GALNT13: variants seen among roughly 807,000 people sequenced by gnomAD.
GALNT13 encodes polypeptide N-acetylgalactosaminyltransferase 13.
A neutral mutation model predicts 64.2 loss-of-function variants in GALNT13; 28 were observed. The observed-to-expected ratio is 0.44, with a 90% CI of 0.32 to 0.60. GALNT13 has a LOEUF of 0.60. GALNT13 is among the 20% of genes least tolerant of loss of function. The pLI, the probability that GALNT13 is intolerant of heterozygous loss-of-function variation, is 0.05. For synonymous variants in GALNT13, 214 were observed against 224.6 expected (o/e 0.95, Z 0.42); for missense variants, 577 against 669.8 (o/e 0.86, Z 1.53).
At chr2:153,907,797 C>G (rs1013894592) in intron 2 of GALNT13, among the ~76,000 whole-genome samples, 19 of 152,030 alleles carry the variant, frequency 1.2e-4, no homozygotes, top group African/African-American at 4.6e-4. Flanking sequence ...TTTTCTTTAT[C>G]CATTCTACCA....
At chr2:153,847,527 T>C in the GALNT13 span, among the ~76,000 whole-genome samples, 1 of 152,036 alleles carries the variant, frequency 6.6e-6, no homozygotes, top group African/African-American at 2.4e-5. Context: ...CAGAGTTAAT[T>C]AATCAAATTG....
At chr2:154,182,388 A>G (rs1467060904) in intron 4 of GALNT13, among the ~76,000 whole-genome samples, 3 of 152,114 alleles carry the variant, frequency 2.0e-5, no homozygotes, top group South Asian at 2.1e-4. Flanking sequence ...TTGTCAATGT[A>G]TTCTAAATAT....
intron 4 of GALNT13, among the ~76,000 whole-genome samples, chr2:154,221,990 C>T (rs918785421): frequency 7.9e-5 from 12 of 152,020 alleles, no homozygotes; most frequent in African/African-American, 2.9e-4. Flanking sequence ...GCTTGAATTC[C>T]AGCTCTATTT....
the GALNT13 span, among the ~76,000 whole-genome samples, chr2:153,578,715 G>A: frequency 6.6e-6 from 1 of 152,308 alleles, no homozygotes; most frequent in African/African-American, 2.4e-5. Context: ...CAGAGTTCCA[G>A]GGACTGAAAG....
intron 9 of GALNT13, among the ~76,000 whole-genome samples, chr2:154,339,680 G>A (rs1695649580): frequency 6.6e-6 from 1 of 152,118 alleles, no homozygotes; most frequent in Non-Finnish European, 1.5e-5. Context: ...CTACTTTAGT[G>A]ACAATGGATA....
At chr2:154,095,113 A>G (rs1445856659) in intron 3 of GALNT13, among the ~76,000 whole-genome samples, 3 of 151,878 alleles carry the variant, frequency 2.0e-5, no homozygotes, top group Non-Finnish European at 2.9e-5. Context: ...AATGTTTTCA[A>G]AGGAAGAATT....
At chr2:153,914,113 A>C (rs557029869) in intron 2 of GALNT13, among the ~76,000 whole-genome samples, 1 of 152,290 alleles carries the variant, frequency 6.6e-6, no homozygotes, top group Non-Finnish European at 1.5e-5. Context: ...ACACTTTCAA[A>C]ATCTTATAGC....
the GALNT13 span, among the ~76,000 whole-genome samples, chr2:153,268,182 A>C: frequency 6.6e-6 from 1 of 152,326 alleles, no homozygotes; most frequent in Non-Finnish European, 1.5e-5. Flanking sequence ...AAGCCAGTAA[A>C]ATCAAAAGCA....
the GALNT13 span, among the ~76,000 whole-genome samples, chr2:153,180,513 CT>C: frequency 6.6e-6 from 1 of 152,108 alleles, no homozygotes; most frequent in South Asian, 2.1e-4. Flanking sequence ...TTATTTCACT[CT>C]ATTATCAGAG....
intron 3 of GALNT13, among the ~76,000 whole-genome samples, chr2:153,968,726 G>A (rs1175542306): frequency 2.6e-5 from 4 of 152,126 alleles, no homozygotes; most frequent in African/African-American, 7.2e-5. Flanking sequence ...AATTTTTAAA[G>A]ACATGAATAT....
the GALNT13 span, among the ~76,000 whole-genome samples, chr2:153,298,968 A>G: frequency 7.2e-5 from 11 of 152,316 alleles, no homozygotes; most frequent in Middle Eastern, 0.01. Context: ...ATGATTTTCT[A>G]GGTTGTCCAT....
At chr2:153,957,484 A>G (rs1319185077) in intron 3 of GALNT13, among the ~76,000 whole-genome samples, 2 of 152,198 alleles carry the variant, frequency 1.3e-5, no homozygotes, top group Non-Finnish European at 2.9e-5. Context: ...CTTGAGTAAG[A>G]CAGTTTGTGG....
chr2:154,266,530 A>G (rs1691010630), intron 8 of GALNT13, among the ~76,000 whole-genome samples: 1 of 152,090 alleles, frequency 6.6e-6, no homozygotes, highest in African/African-American at 2.4e-5. Flanking sequence ...AAAAATATGA[A>G]AAAGTGATAA....
the GALNT13 span, among the ~76,000 whole-genome samples, chr2:153,245,494 A>G: frequency 1.3e-5 from 2 of 152,192 alleles, no homozygotes; most frequent in Non-Finnish European, 2.9e-5. Context: ...ACCCAGGTGA[A>G]CAGTGTCTGG....
chr2:153,329,678 A>G, the GALNT13 span, among the ~76,000 whole-genome samples: 1 of 152,092 alleles, frequency 6.6e-6, no homozygotes, highest in Non-Finnish European at 1.5e-5. Context: ...TGGATATTAT[A>G]CCCTTGTTGA....
intron 4 of GALNT13, among the ~76,000 whole-genome samples, chr2:154,189,106 A>T (rs1486672808): frequency 6.6e-6 from 1 of 152,210 alleles, no homozygotes; most frequent in Non-Finnish European, 1.5e-5. Flanking sequence ...AGCTGTTCTT[A>T]TTCATATAGT....
the GALNT13 span, among the ~76,000 whole-genome samples, chr2:153,419,129 C>T: frequency 8.7e-4 from 132 of 152,254 alleles, no homozygotes; most frequent in African/African-American, 3.0e-3. Flanking sequence ...CTCACAGTTC[C>T]TCAGGGCTGG....
chr2:153,305,777 T>G, the GALNT13 span, among the ~76,000 whole-genome samples: 1 of 152,096 alleles, frequency 6.6e-6, no homozygotes, highest in Non-Finnish European at 1.5e-5. Flanking sequence ...CCTTAGAGAG[T>G]TCATTACTTC....
intron 3 of GALNT13, among the ~76,000 whole-genome samples, chr2:154,106,773 A>G (rs759885791): frequency 6.6e-6 from 1 of 151,952 alleles, no homozygotes; most frequent in Non-Finnish European, 1.5e-5. Context: ...ATATATATTT[A>G]TGGGGTACAA....
Sources: gnomAD v4.1 joint callset for allele counts (sites outside exome capture counted in the v4.1 genomes callset) on GRCh38, gnomAD v4.1.1 for gene constraint, MANE v1.5 for transcripts, NCBI Gene and HGNC (gene_info 2026-07-23, HGNC 2026-07-21) for gene names.